The following ARAP2 variants were observed in gnomAD, a reference collection of about 807,000 sequenced individuals.
ARAP2 encodes ArfGAP with RhoGAP domain, ankyrin repeat and PH domain 2.
In ARAP2, 148 loss-of-function variants were observed where a neutral mutation model predicts 194.5. That is an observed-to-expected ratio of 0.76 (90% confidence interval 0.67 to 0.87). The LOEUF is 0.87. Among genes scored for constraint, ARAP2 ranks in the 40% least tolerant of loss-of-function variants. ARAP2 has a pLI of 0.00. For missense variants in ARAP2, 2,128 were observed against 1,989.7 expected (o/e 1.07, Z -1.32); for synonymous variants, 695 against 683.5 (o/e 1.02, Z -0.26).
At chr4:36,124,744 G>T in intron 22 of ARAP2, 118 bp downstream of exon 22, 1 of 566,934 alleles carries the variant, frequency 1.8e-6, no homozygotes, top group South Asian at 3.6e-5. Context: ...CTTAATTACA[G>T]AAAGAGAGAC....
chr4:36,186,037 T>C (rs1002849963), intron 8 of ARAP2, among the ~76,000 whole-genome samples: 1 of 151,612 alleles, frequency 6.6e-6, no homozygotes, highest in Non-Finnish European at 1.5e-5. Flanking sequence ...GTTGTGAAAA[T>C]GAAGACTTAG....
intron 9 of ARAP2, among the ~76,000 whole-genome samples, chr4:36,176,854 T>C (rs1390133410): frequency 6.6e-6 from 1 of 152,086 alleles, no homozygotes; most frequent in Non-Finnish European, 1.5e-5. Flanking sequence ...CTACTATTTG[T>C]TTTGATATTC....
chr4:36,008,220 G>A (rs1405736054), intron 9 of ARAP2, among the ~76,000 whole-genome samples: 2 of 151,982 alleles, frequency 1.3e-5, no homozygotes, highest in African/African-American at 2.4e-5. Context: ...GAATCAAAAA[G>A]AGCCCAAATA....
rs116160850 is a variant in ARAP2, at chr4:36,067,930, G to T, written c.5092C>A (p.Gln1698Lys). 3.6e-5 allele frequency: 57 copies of T among 1,587,058 alleles called. No individual in the cohort carries two copies. In the African/African-American group the frequency reaches 7.6e-4, roughly 21 times the overall value. Reference protein sequence around the residue: ...QRSRTLPKELQDEQILK With the variant: ...QRSRTLPKELKDEQILK ...TCCTACTTCAAAATCTGCTCATCCT[G>T]TAATTCTTTTGGAAGGGTTCTTGAC... The change falls in exon 33 of 33, where the codon CAG (glutamine) becomes AAG (lysine). Residue 1698 changes from glutamine (Q) to lysine (K), a missense_variant. Transcript: ENST00000303965.
chr4:36,038,472 T>A (rs1720307335), intron 5 of ARAP2, among the ~76,000 whole-genome samples: 1 of 152,188 alleles, frequency 6.6e-6, no homozygotes, highest in Non-Finnish European at 1.5e-5. Context: ...CAAAAGACCC[T>A]GACAATATGT....
At chr4:36,096,804 T>C (rs1369320117) in intron 27 of ARAP2, among the ~76,000 whole-genome samples, 1 of 152,160 alleles carries the variant, frequency 6.6e-6, no homozygotes, top group African/African-American at 2.4e-5. Flanking sequence ...TTGTAAAGGA[T>C]TTTTATAGCT....
At chr4:36,130,583 AC>A (rs1488814998) in intron 20 of ARAP2, among the ~76,000 whole-genome samples, 1 of 151,774 alleles carries the variant, frequency 6.6e-6, no homozygotes, top group African/African-American at 2.4e-5. Context: ...GGTAAAATTT[AC>A]CCCTACACCA....
chr4:36,064,808 G>A (rs1423073031), downstream of ARAP2, among the ~76,000 whole-genome samples: 1 of 152,220 alleles, frequency 6.6e-6, no homozygotes, highest in African/African-American at 2.4e-5. Flanking sequence ...TTGGGTCACT[G>A]CCTCTGCACA....
intron 5 of ARAP2, among the ~76,000 whole-genome samples, chr4:36,023,308 A>C (rs575674441): frequency 2.6e-5 from 4 of 152,306 alleles, no homozygotes; most frequent in African/African-American, 9.6e-5. Flanking sequence ...CTTGTATAGC[A>C]GAAGTAATTA....
rs907166787 is a variant in ARAP2, at chr4:36,081,968, C to T, written c.4544+283G>A. 4.5e-4 allele frequency among the ~76,000 whole-genome samples: 68 copies of T among 152,176 alleles called. 1 individual carries two copies. Among genetic ancestry groups the T allele is most frequent in the African/African-American group, 1.6e-3 (65 of 41,534 alleles). The stretch of plus-strand genomic sequence containing the variant: ...AGTTCTTATTCTGTTTTAAAACTAT[C>T]ACCTACTTATCTCATAAAAGCTGAA... On this transcript the variant is annotated intron_variant, in intron 30 of 32. Coordinates refer to ENST00000303965, the MANE Select transcript of ARAP2 (RefSeq NM_015230.4).
At chr4:36,073,847 G>C (rs1727616949) in intron 31 of ARAP2, 24 bp from the exon 32 acceptor site, 3 of 1,611,348 alleles carry the variant, frequency 1.9e-6, no homozygotes, top group Admixed American at 3.3e-5. Flanking sequence ...ATTTCTTGCT[G>C]TTGGTGTGTG....
In ARAP2 at chr4:36,057,393, G is replaced by A. The variant is rs1284950940; in HGVS notation, n.321+577C>T. Among the ~76,000 whole-genome samples the A allele has an allele frequency of 2.7e-5, 4 of 149,852 alleles. No homozygotes were observed. The South Asian group carries it at 6.3e-4, about 24-fold the overall frequency. On this transcript the variant is annotated intron_variant and non_coding_transcript_variant, in intron 2 of 12. Coordinates refer to the ARAP2 transcript ENST00000503225. The stretch of plus-strand genomic sequence containing the variant: ...TTGCTTAGAGTTCGGCTAACATATT[G>A]AATCTATTGGTATAAATAACATATC...
At chr4:36,137,195 G>A (rs957433942) in intron 19 of ARAP2, among the ~76,000 whole-genome samples, 2 of 151,758 alleles carry the variant, frequency 1.3e-5, no homozygotes, top group African/African-American at 4.8e-5. Context: ...TTGAAATGAA[G>A]GCACAATATC....
At position 36,080,261 on chromosome 4, in the gene ARAP2, AC is replaced by A; in HGVS notation, c.4562del (p.Ser1521IlefsTer9). ...TCATCCACTCCGTCTGAGTTCGTGA[AC>A]TATCACAACACAGGTGCCTGCAAAA... ...EKHHWHLCCD[S>X]SRTQTEWMTS... On this transcript the variant is annotated frameshift_variant, in exon 31 of 33. Transcript: ENST00000303965. LOFTEE classifies it high-confidence loss of function. 1 of 1,613,062 alleles carries A rather than the reference AC, an allele frequency of 6.2e-7. No homozygotes were observed. The highest frequency in any genetic ancestry group is 8.5e-7 in the Non-Finnish European group (1 of 1,179,312).
At chr4:36,020,373 T>C (rs1716703564) in intron 5 of ARAP2, among the ~76,000 whole-genome samples, 1 of 152,160 alleles carries the variant, frequency 6.6e-6, no homozygotes, top group South Asian at 2.1e-4. Context: ...ATTGTGCCAT[T>C]GCACTCCATC....
intron 8 of ARAP2, among the ~76,000 whole-genome samples, chr4:36,179,127 C>T (rs1030141834): frequency 6.6e-6 from 1 of 152,072 alleles, no homozygotes; most frequent in African/African-American, 2.4e-5. Flanking sequence ...AAAAGAAAAC[C>T]ATTTCACCAT....
intron 21 of ARAP2, among the ~76,000 whole-genome samples, chr4:36,126,739 T>C (rs1445591388): frequency 3.3e-5 from 5 of 152,046 alleles, no homozygotes; most frequent in Non-Finnish European, 7.4e-5. Context: ...AGGTGAACAC[T>C]CCTACCCCTG....
At chr4:36,164,132 C>T (rs977319532) in intron 11 of ARAP2, among the ~76,000 whole-genome samples, 6 of 152,132 alleles carry the variant, frequency 3.9e-5, no homozygotes, top group Non-Finnish European at 8.8e-5. Flanking sequence ...TTTAATTCCC[C>T]GCACCAGCAC....
At chr4:36,121,080 G>A (rs1254383660) in intron 23 of ARAP2, 99 bp downstream of exon 23, 2 of 858,246 alleles carry the variant, frequency 2.3e-6, no homozygotes, top group Non-Finnish European at 3.3e-6. Flanking sequence ...TTCTAAATAT[G>A]AATAAAGATC....
Sources: gnomAD v4.1 joint callset for allele counts (sites outside exome capture counted in the v4.1 genomes callset) on GRCh38, gnomAD v4.1.1 for gene constraint, MANE v1.5 for transcripts, NCBI Gene and HGNC (gene_info 2026-07-23, HGNC 2026-07-21) for gene names.